Variants in PTPRR observed in about 807,000 individuals in gnomAD.
PTPRR encodes the protein receptor-type tyrosine-protein phosphatase R.
In PTPRR, 38 loss-of-function variants were observed where a neutral mutation model predicts 77.2. The observed-to-expected ratio is 0.49, with a 90% confidence interval of 0.38 to 0.65. PTPRR has a LOEUF of 0.65. Ranked by LOEUF, PTPRR falls within the 30% of genes least tolerant of loss-of-function variation. PTPRR has a pLI of 0.00. For missense variants in PTPRR, 744 were observed against 799.2 expected, an observed-to-expected ratio of 0.93 and a Z score of 0.83; for synonymous variants, 299 against 283.1, an observed-to-expected ratio of 1.06 and a Z score of -0.57.
chr12:70,728,187 T>G (rs1889511927), intron 6 of PTPRR, among the ~76,000 whole-genome samples: 2 of 146,096 alleles, frequency 1.4e-5, no homozygotes, highest in Admixed American at 1.4e-4. Context: ...GGACCAGAAG[T>G]GTTTCAGATT....
chr12:70,667,177 C>T (rs1436066112), intron 10 of PTPRR, among the ~76,000 whole-genome samples: 2 of 151,756 alleles, frequency 1.3e-5, no homozygotes, highest in South Asian at 2.1e-4. Flanking sequence ...AGGATAGTCT[C>T]GATCTCCTGA....
At chr12:70,878,153 G>A (rs1295790508) in intron 2 of PTPRR, among the ~76,000 whole-genome samples, 15 of 152,224 alleles carry the variant, frequency 9.9e-5, no homozygotes, top group Middle Eastern at 3.4e-3. Context: ...AACCCTAGAC[G>A]AAAACCTAGG....
At position 70,701,667 on chromosome 12, in the gene PTPRR, G is replaced by A. The variant is rs763738093; in HGVS notation, c.1008-344C>T. ...ATATCTATATCTATATCTTCTGAGT[G>A]AATCCCTAAAAAATGGCTTCTGGGG... On this transcript the variant is annotated intron_variant, in intron 6 of 13. Transcript: ENST00000283228. Among the ~76,000 whole-genome samples, 44 of 152,130 alleles carry A rather than the reference G, an allele frequency of 2.9e-4. 1 individual carries two copies. Among genetic ancestry groups the A allele is most frequent in the Admixed American group, 7.2e-4 (11 of 15,262 alleles).
chr12:70,837,879 C>T (rs1892331819), intron 2 of PTPRR, among the ~76,000 whole-genome samples: 1 of 151,996 alleles, frequency 6.6e-6, no homozygotes, highest in African/African-American at 2.4e-5. Flanking sequence ...TCCTGAGCTA[C>T]CAGTAGGTTG....
At chr12:70,684,891 G>T in intron 8 of PTPRR, 108 bp from the exon 9 acceptor site, 1 of 682,402 alleles carries the variant, frequency 1.5e-6, no homozygotes. Context: ...TGATTATCTG[G>T]TGCATGTCAA....
At chr12:70,715,535 T>A (rs1888992980) in intron 6 of PTPRR, among the ~76,000 whole-genome samples, 1 of 152,122 alleles carries the variant, frequency 6.6e-6, no homozygotes, top group Non-Finnish European at 1.5e-5. Context: ...CTGGGGTCTA[T>A]TTCACCCCTA....
Position 70,754,309 on chromosome 12 carries a change from A to C in PTPRR, c.628-8T>G. The C allele has an allele frequency of 6.2e-7, 1 of 1,612,830 alleles. No individual in the cohort carries two copies. Among genetic ancestry groups the C allele is most frequent in the Non-Finnish European group, 8.5e-7 (1 of 1,179,592 alleles). On this transcript the variant is annotated splice_region_variant and splice_polypyrimidine_tract_variant and intron_variant, in intron 4 of 13. Transcript: ENST00000283228. The stretch of plus-strand genomic sequence containing the variant: ...CCCTTGTAAAACATTTTTCTTTAAA[A>C]GCAAAACAGAAAGTCCGACGTTAAA...
intron 6 of PTPRR, among the ~76,000 whole-genome samples, chr12:70,723,524 G>T (rs1051587674): frequency 1.3e-5 from 2 of 151,944 alleles, no homozygotes; most frequent in African/African-American, 4.8e-5. Context: ...GCATTATAGC[G>T]ACTTGGTTTT....
chr12:70,662,980 CAT>C (rs1446454687), intron 10 of PTPRR, among the ~76,000 whole-genome samples: 2 of 151,956 alleles, frequency 1.3e-5, no homozygotes, highest in African/African-American at 4.8e-5. Context: ...TAGAATTTAT[CAT>C]GTGCTGACTA....
chr12:70,884,740 C>T (rs1007690068), intron 2 of PTPRR, among the ~76,000 whole-genome samples: 7 of 147,596 alleles, frequency 4.7e-5, no homozygotes, highest in Non-Finnish European at 8.9e-5. Context: ...GGCGTAGTGG[C>T]GGGCGCCTGT....
chr12:70,736,699 A>C (rs1889874168), intron 6 of PTPRR, among the ~76,000 whole-genome samples: 1 of 152,240 alleles, frequency 6.6e-6, no homozygotes, highest in Non-Finnish European at 1.5e-5. Context: ...ATTTGGAGTT[A>C]AACTGGAATT....
chr12:70,901,854 C>T (rs61930393), intron 1 of PTPRR, among the ~76,000 whole-genome samples: 2 of 151,514 alleles, frequency 1.3e-5, no homozygotes, highest in African/African-American at 4.8e-5. Flanking sequence ...GGGAGAAAAT[C>T]TTCACAATCT....
At chr12:70,741,463 G>C (rs573324699) in intron 6 of PTPRR, among the ~76,000 whole-genome samples, 1 of 152,296 alleles carries the variant, frequency 6.6e-6, no homozygotes, top group East Asian at 1.9e-4. Context: ...AGTGATGCTT[G>C]AATGCCCCTC....
At chr12:70,775,802 C>A (rs1031878821) in intron 2 of PTPRR, among the ~76,000 whole-genome samples, 2 of 151,548 alleles carry the variant, frequency 1.3e-5, no homozygotes, top group East Asian at 3.9e-4. Context: ...TTTTTTTAAC[C>A]TGGAATCTTT....
chr12:70,876,439 A>G (rs1893053486), intron 2 of PTPRR, among the ~76,000 whole-genome samples: 1 of 152,198 alleles, frequency 6.6e-6, no homozygotes, highest in South Asian at 2.1e-4. Flanking sequence ...AAAGTAGTGT[A>G]TATACAAACG....
At chr12:70,876,113 T>A (rs1893047867) in intron 2 of PTPRR, among the ~76,000 whole-genome samples, 1 of 152,174 alleles carries the variant, frequency 6.6e-6, no homozygotes, top group South Asian at 2.1e-4. Flanking sequence ...TTTGGTAATT[T>A]ATTAATTAAA....
At chr12:70,766,170 C>T (rs943323509) in intron 2 of PTPRR, among the ~76,000 whole-genome samples, 5 of 152,230 alleles carry the variant, frequency 3.3e-5, no homozygotes, top group African/African-American at 7.2e-5. Context: ...CAGAGAATGA[C>T]TTTGACGAGT....
At chr12:70,688,388 A>G (rs1026374867) in intron 8 of PTPRR, among the ~76,000 whole-genome samples, 1 of 152,222 alleles carries the variant, frequency 6.6e-6, no homozygotes, top group African/African-American at 2.4e-5. Flanking sequence ...AGGGATAAAG[A>G]TTTGAATAGA....
intron 13 of PTPRR, among the ~76,000 whole-genome samples, chr12:70,646,609 G>C (rs1189403046): frequency 6.6e-6 from 1 of 152,150 alleles, no homozygotes; most frequent in Admixed American, 6.5e-5. Context: ...TAGACCTCTT[G>C]TTGTGATCTC....
Sources: allele counts gnomAD v4.1 joint callset (sites outside exome capture counted in the v4.1 genomes callset), GRCh38; gene constraint gnomAD v4.1.1; transcripts MANE v1.5; gene names NCBI Gene and HGNC (gene_info 2026-07-23, HGNC 2026-07-21).